ACOT1: variants seen among roughly 807,000 people sequenced by gnomAD.
The protein encoded by ACOT1 is acyl-CoA thioesterase 1, also known as acyl-coenzyme A thioesterase 1.
A neutral mutation model predicts 15.7 loss-of-function variants in ACOT1; 8 were observed. The observed-to-expected ratio is 0.51, with a 90% confidence interval of 0.30 to 0.92. The LOEUF is 0.92. Among genes scored for constraint, ACOT1 ranks in the 40% least tolerant of loss-of-function variants. ACOT1 has a pLI of 0.06. For missense variants in ACOT1, 151 were observed against 539.4 expected, an observed-to-expected ratio of 0.28 and a Z score of 7.13; for synonymous variants, 67 against 241.2, an observed-to-expected ratio of 0.28 and a Z score of 6.69.
upstream of ACOT1, among the ~76,000 whole-genome samples, chr14:73,534,079 C>A (rs142923203): frequency 9.2e-5 from 10 of 109,250 alleles, 1 homozygote; most frequent in African/African-American, 3.0e-4. Flanking sequence ...AAGACCTAGT[C>A]TCTAAAAAAT....
the ACOT1 span, among the ~76,000 whole-genome samples, chr14:73,505,793 A>G: frequency 6.6e-6 from 1 of 151,586 alleles, no homozygotes; most frequent in Admixed American, 6.6e-5. Flanking sequence ...TTCTCGAATG[A>G]TCTTTGATGA....
the ACOT1 span, chr14:73,508,005 C>T: frequency 5.9e-6 from 5 of 852,568 alleles, no homozygotes; most frequent in Non-Finnish European, 7.5e-6. Context: ...CTCGGCCTCC[C>T]GAAGTGTTGG....
At chr14:73,525,289 T>G in the ACOT1 span, among the ~76,000 whole-genome samples, 1 of 152,176 alleles carries the variant, frequency 6.6e-6, no homozygotes, top group Non-Finnish European at 1.5e-5. Flanking sequence ...TGCCTTGGCT[T>G]CTCAAAGCGT....
the ACOT1 span, chr14:73,509,181 G>A: frequency 1.1e-6 from 1 of 915,564 alleles, no homozygotes; most frequent in Admixed American, 2.2e-5. Context: ...TTTTCAAATG[G>A]TCTAACATAA....
chr14:73,516,930 G>A, the ACOT1 span, among the ~76,000 whole-genome samples: 2 of 152,122 alleles, frequency 1.3e-5, no homozygotes, highest in East Asian at 3.9e-4. Flanking sequence ...CCACGAAACC[G>A]GTCCCTGGTG....
At chr14:73,508,304 T>C in the ACOT1 span, 1 of 1,613,074 alleles carries the variant, frequency 6.2e-7, no homozygotes, top group Non-Finnish European at 8.5e-7. Context: ...CCTGCCACAG[T>C]TGGGTGAAAA....
the ACOT1 span, among the ~76,000 whole-genome samples, chr14:73,515,694 AAAAAG>A: frequency 7.2e-6 from 1 of 139,420 alleles, no homozygotes; most frequent in Non-Finnish European, 1.5e-5. Context: ...AAAAAAAAAA[AAAAAG>A]AGTCCTGTGA....
At chr14:73,528,157 G>T in the ACOT1 span, among the ~76,000 whole-genome samples, 1 of 151,924 alleles carries the variant, frequency 6.6e-6, no homozygotes, top group Non-Finnish European at 1.5e-5. Context: ...CACTTTGGGA[G>T]GCTGAGGTGG....
At chr14:73,532,825 G>A (rs545659418), upstream of ACOT1, among the ~76,000 whole-genome samples, 36 of 112,916 alleles carry the variant, frequency 3.2e-4, 14 homozygotes, top group East Asian at 0.021. Context: ...GTGTGGTGGT[G>A]GGCACCTGTA....
the ACOT1 span, among the ~76,000 whole-genome samples, chr14:73,510,039 TC>T: frequency 1.3e-5 from 2 of 149,518 alleles, no homozygotes; most frequent in African/African-American, 4.9e-5. Context: ...TTTTTAGTAT[TC>T]TTAGTAGAGA....
At chr14:73,492,110 C>G in the ACOT1 span, 1 of 1,613,924 alleles carries the variant, frequency 6.2e-7, no homozygotes, top group Non-Finnish European at 8.5e-7. This position sits in a 1 kb window ranked among gnomAD's most constrained non-coding sequence, Gnocchi z 4.9. Flanking sequence ...ACCCCGAGTC[C>G]CAACCGAGGA....
the ACOT1 span, chr14:73,508,431 AT>A: frequency 1.4e-6 from 1 of 708,262 alleles, no homozygotes; most frequent in African/African-American, 1.8e-5. Flanking sequence ...TAGAAATACA[AT>A]TTCTTATTTA....
At chr14:73,532,940 G>A (rs1454528035), upstream of ACOT1, among the ~76,000 whole-genome samples, 1 of 110,716 alleles carries the variant, frequency 9.0e-6, no homozygotes, top group African/African-American at 2.9e-5. Context: ...GGGTGACAGA[G>A]CAAGACTCCA....
the ACOT1 span, among the ~76,000 whole-genome samples, chr14:73,527,935 TG>T: frequency 8.9e-6 from 1 of 111,952 alleles, no homozygotes; most frequent in African/African-American, 3.6e-5. Flanking sequence ...TACTCCAGCC[TG>T]GGTAACAGGG....
At chr14:73,524,476 G>C in the ACOT1 span, among the ~76,000 whole-genome samples, 1 of 150,648 alleles carries the variant, frequency 6.6e-6, no homozygotes, top group African/African-American at 2.5e-5. Context: ...GTTTAGTTTT[G>C]TTTTGTTTTC....
chr14:73,535,286 T>C (rs1236579435), upstream of ACOT1, among the ~76,000 whole-genome samples: 2 of 113,080 alleles, frequency 1.8e-5, 1 homozygote, highest in Non-Finnish European at 3.8e-5. Context: ...CTTTTAAATA[T>C]TTTTGCATAG....
At chr14:73,507,047 C>T in the ACOT1 span, among the ~76,000 whole-genome samples, 2 of 151,928 alleles carry the variant, frequency 1.3e-5, no homozygotes, top group Admixed American at 6.6e-5. Context: ...AGGTGATCTG[C>T]CTGCCTCGGC....
the ACOT1 span, chr14:73,502,849 T>G: frequency 6.7e-7 from 1 of 1,481,586 alleles, no homozygotes; most frequent in East Asian, 2.3e-5. Flanking sequence ...TCCTAAACAC[T>G]TCTAAGAATT....
the ACOT1 span, among the ~76,000 whole-genome samples, chr14:73,499,560 G>A: frequency 6.6e-6 from 1 of 152,140 alleles, no homozygotes; most frequent in Non-Finnish European, 1.5e-5. Context: ...AGCTATAATT[G>A]AAAAATGACC....
Sources: allele counts gnomAD v4.1 joint callset (sites outside exome capture counted in the v4.1 genomes callset), GRCh38; gene constraint gnomAD v4.1.1; non-coding constraint Gnocchi (gnomAD v3.1); transcripts MANE v1.5; gene names NCBI Gene and HGNC (gene_info 2026-07-23, HGNC 2026-07-21).